Variants in MECOM observed in about 807,000 individuals in gnomAD.
MECOM encodes MDS1 and EVI1 complex locus.
Under a neutral mutation model 116.3 loss-of-function variants are expected in MECOM, and 13 were observed. The observed-to-expected ratio is 0.11, with a 90% CI of 0.07 to 0.18. The LOEUF (loss-of-function observed/expected upper bound fraction) is 0.18. Among genes scored for constraint, MECOM ranks in the 10% least tolerant of loss-of-function variants. The pLI is 1.00. For missense variants in MECOM, 1,299 were observed against 1,509.0 expected, an observed-to-expected ratio of 0.86 and a Z score of 2.31; for synonymous variants, 528 against 535.2, an observed-to-expected ratio of 0.99 and a Z score of 0.19.
intron 2 of MECOM, among the ~76,000 whole-genome samples, chr3:169,280,023 G>C (rs1430433509): frequency 1.3e-5 from 2 of 152,186 alleles, no homozygotes; most frequent in South Asian, 2.1e-4. Context: ...AGAAATTGCA[G>C]AACAGAAGCA....
At chr3:169,381,853 AT>A (rs1732443454) in intron 1 of MECOM, among the ~76,000 whole-genome samples, 1 of 152,206 alleles carries the variant, frequency 6.6e-6, no homozygotes, top group South Asian at 2.1e-4. Flanking sequence ...GAAGTTAAAC[AT>A]GTGTGTAACT....
intron 2 of MECOM, among the ~76,000 whole-genome samples, chr3:169,259,233 A>T (rs1757237365): frequency 1.3e-5 from 2 of 152,100 alleles, no homozygotes; most frequent in African/African-American, 2.4e-5. Flanking sequence ...TTGGAAAAAC[A>T]ATTTGGGTTG....
intron 2 of MECOM, among the ~76,000 whole-genome samples, chr3:169,314,727 C>T (rs192107156): frequency 1.3e-5 from 2 of 151,894 alleles, no homozygotes; most frequent in Admixed American, 6.6e-5. Flanking sequence ...AAAAAGCAAG[C>T]ATTGGCCGCA....
chr3:169,223,956 T>C (rs1416280715), intron 2 of MECOM, among the ~76,000 whole-genome samples: 1 of 152,126 alleles, frequency 6.6e-6, no homozygotes, highest in Non-Finnish European at 1.5e-5. Context: ...ACTCCTGCCA[T>C]TATTAAACCC....
intron 1 of MECOM, among the ~76,000 whole-genome samples, chr3:169,485,839 G>GTATATA (rs1452546751): frequency 1.5e-5 from 2 of 130,586 alleles, no homozygotes; most frequent in Non-Finnish European, 3.1e-5. Flanking sequence ...GTATATATAT[G>GTATATA]TGTGTGTGTG....
At chr3:169,489,187 G>C (rs1312591390) in intron 1 of MECOM, among the ~76,000 whole-genome samples, 3 of 152,028 alleles carry the variant, frequency 2.0e-5, no homozygotes, top group African/African-American at 7.2e-5. Context: ...CATAAATAAA[G>C]AGCAAATCTG....
At chr3:169,450,581 CG>C (rs1284992876) in intron 1 of MECOM, among the ~76,000 whole-genome samples, 126 of 93,908 alleles carry the variant, frequency 1.3e-3, no homozygotes, top group Non-Finnish European at 2.1e-3. Context: ...CAGGACAAAA[CG>C]AAAAAAAAAA....
At chr3:169,102,358 C>A in intron 10 of MECOM, 132 bp from the exon 11 acceptor site, 1 of 642,582 alleles carries the variant, frequency 1.6e-6, no homozygotes, top group Non-Finnish European at 2.4e-6. Context: ...ACTGTAGTAT[C>A]CCAATATTAA....
At chr3:169,187,244 A>G (rs928573411) in intron 2 of MECOM, among the ~76,000 whole-genome samples, 2 of 152,218 alleles carry the variant, frequency 1.3e-5, no homozygotes, top group South Asian at 2.1e-4. Context: ...CTTCCTGGCT[A>G]TGATCAACCT....
intron 1 of MECOM, among the ~76,000 whole-genome samples, chr3:169,489,117 A>AT (rs1416909054): frequency 6.6e-6 from 1 of 152,176 alleles, no homozygotes; most frequent in Admixed American, 6.5e-5. Flanking sequence ...AAGTCAATAA[A>AT]TTTGAAAACC....
At chr3:169,551,094 C>T (rs1761350445) in intron 1 of MECOM, among the ~76,000 whole-genome samples, 1 of 152,022 alleles carries the variant, frequency 6.6e-6, no homozygotes, top group South Asian at 2.1e-4. Flanking sequence ...AAGTGCTGCC[C>T]TTTCCTTTTT....
chr3:169,346,850 T>C (rs755732357), intron 2 of MECOM, among the ~76,000 whole-genome samples: 1 of 152,062 alleles, frequency 6.6e-6, no homozygotes, highest in Non-Finnish European at 1.5e-5. Flanking sequence ...CCATGGAAAA[T>C]TGGCAGAACC....
chr3:169,509,575 A>G (rs909118425), intron 1 of MECOM, among the ~76,000 whole-genome samples: 7 of 151,976 alleles, frequency 4.6e-5, no homozygotes, highest in Non-Finnish European at 1.0e-4. Context: ...GAATTTGCCT[A>G]TTCTAGGCCT....
At chr3:169,250,033 A>T (rs1228669789) in intron 2 of MECOM, among the ~76,000 whole-genome samples, 1 of 152,150 alleles carries the variant, frequency 6.6e-6, no homozygotes, top group Non-Finnish European at 1.5e-5. Flanking sequence ...CCACCAACCC[A>T]ATGGATCCGT....
intron 1 of MECOM, among the ~76,000 whole-genome samples, chr3:169,432,677 T>G (rs1741832351): frequency 6.6e-6 from 1 of 152,212 alleles, no homozygotes; most frequent in Non-Finnish European, 1.5e-5. Context: ...ATCTATTTCA[T>G]TCTTCTTCTT....
intron 1 of MECOM, among the ~76,000 whole-genome samples, chr3:169,536,467 T>G (rs559496361): frequency 3.3e-5 from 5 of 149,306 alleles, no homozygotes; most frequent in South Asian, 2.1e-4. Flanking sequence ...AGACCCTGAA[T>G]AGTACAAGCA....
At chr3:169,231,704 G>C (rs568981623) in intron 2 of MECOM, among the ~76,000 whole-genome samples, 1 of 151,484 alleles carries the variant, frequency 6.6e-6, no homozygotes, top group East Asian at 1.9e-4. Flanking sequence ...AAACCAGTAT[G>C]ATGAAGTCAT....
intron 1 of MECOM, among the ~76,000 whole-genome samples, chr3:169,515,187 A>G (rs1418094556): frequency 6.6e-6 from 1 of 152,076 alleles, no homozygotes; most frequent in Non-Finnish European, 1.5e-5. Context: ...GCAGGTAGAG[A>G]GCACATGAGG....
intron 1 of MECOM, among the ~76,000 whole-genome samples, chr3:169,644,553 G>C (rs1422914983): frequency 6.6e-6 from 1 of 151,986 alleles, no homozygotes; most frequent in Non-Finnish European, 1.5e-5. Context: ...CACCACACCC[G>C]GCCCCTACCA....
Sources: gnomAD v4.1 joint callset for allele counts (sites outside exome capture counted in the v4.1 genomes callset) on GRCh38, gnomAD v4.1.1 for gene constraint, MANE v1.5 for transcripts, NCBI Gene and HGNC (gene_info 2026-07-23, HGNC 2026-07-21) for gene names.